Variants in AOAH observed in about 807,000 individuals in gnomAD.
AOAH encodes the protein acyloxyacyl hydrolase, also known as acyloxyacyl hydrolase (neutrophil).
A neutral mutation model predicts 92.2 loss-of-function variants in AOAH; 64 were observed. The ratio of observed to expected loss-of-function variants is 0.69; its 90% CI spans 0.57 to 0.86. The LOEUF (loss-of-function observed/expected upper bound fraction) is 0.86, where lower values mean the gene tolerates loss of function less well. AOAH is among the 40% of genes least tolerant of loss of function. The probability of loss-of-function intolerance (pLI) is 0.00; values close to 1 mark genes in which losing one functional copy is unlikely to be tolerated. For synonymous variants in AOAH, 263 were observed against 254.5 expected, an observed-to-expected ratio of 1.03 and a Z score of -0.32; for missense variants, 656 against 694.6, an observed-to-expected ratio of 0.94 and a Z score of 0.62.
chr7:36,605,827 G>A (rs1790960575), intron 11 of AOAH, among the ~76,000 whole-genome samples: 1 of 152,176 alleles, frequency 6.6e-6, no homozygotes, highest in Admixed American at 6.5e-5. Flanking sequence ...CATGAACAGG[G>A]AAAGGAAACG....
rs369429126 is a variant in AOAH, at chr7:36,621,588, C to T, written c.653+122G>A. 239 of 946,394 alleles carry T rather than the reference C, an allele frequency of 2.5e-4. 2 individuals are homozygous for T. Among genetic ancestry groups the T allele is most frequent in the East Asian group, 1.8e-3 (74 of 41,606 alleles). 58.6% of individuals were successfully genotyped at this position (946,394 alleles called of 1,614,324 possible). ...TTTTTTCACTGAGCTTTACTTCAAT[C>T]GGAACATGAAAATCTCTTCTCTCTG... On this transcript the variant is annotated intron_variant, in intron 8 of 20. Transcript: ENST00000617537.
At chr7:36,720,298 C>T (rs1799534398) in intron 1 of AOAH, among the ~76,000 whole-genome samples, 1 of 151,702 alleles carries the variant, frequency 6.6e-6, no homozygotes, top group South Asian at 2.1e-4. Context: ...TACAGGCATG[C>T]CCCACCGTGT....
At chr7:36,599,555 G>A (rs1055669685) in intron 11 of AOAH, among the ~76,000 whole-genome samples, 4 of 152,192 alleles carry the variant, frequency 2.6e-5, no homozygotes, top group Admixed American at 6.5e-5. Flanking sequence ...AGTAACTGCT[G>A]TTGGAAAAAG....
chr7:36,697,423 G>A (rs1483683019), intron 1 of AOAH, among the ~76,000 whole-genome samples: 1 of 152,158 alleles, frequency 6.6e-6, no homozygotes, highest in African/African-American at 2.4e-5. Flanking sequence ...CATGTTACAT[G>A]TTGCTGGATT....
intron 16 of AOAH, among the ~76,000 whole-genome samples, chr7:36,533,046 A>G (rs1044052944): frequency 6.6e-6 from 1 of 152,232 alleles, no homozygotes; most frequent in Non-Finnish European, 1.5e-5. Flanking sequence ...ACAGAGGTAC[A>G]TAATAAAGTG....
At chr7:36,575,074 G>A (rs944060378) in intron 13 of AOAH, among the ~76,000 whole-genome samples, 3 of 151,932 alleles carry the variant, frequency 2.0e-5, no homozygotes, top group Admixed American at 6.6e-5. Flanking sequence ...CAGTGTTGGG[G>A]GGCTGTTTCA....
chr7:36,574,340 T>C (rs992626710), intron 13 of AOAH, among the ~76,000 whole-genome samples: 11 of 152,318 alleles, frequency 7.2e-5, no homozygotes, highest in African/African-American at 2.2e-4. Flanking sequence ...ACGATTAGGC[T>C]CTCTTCCTGT....
intron 7 of AOAH, 64 bp from the exon 8 acceptor site, chr7:36,621,844 T>C: frequency 6.9e-7 from 1 of 1,448,718 alleles, no homozygotes; most frequent in Non-Finnish European, 9.7e-7. Context: ...CGAGGAAGGC[T>C]AATCAGAGTT....
intron 5 of AOAH, among the ~76,000 whole-genome samples, chr7:36,634,849 G>T (rs73687579): frequency 6.6e-6 from 1 of 152,144 alleles, no homozygotes; most frequent in Non-Finnish European, 1.5e-5. Flanking sequence ...GACAAAAGGT[G>T]CAATAGAATA....
intron 1 of AOAH, among the ~76,000 whole-genome samples, chr7:36,689,259 G>A (rs1241164489): frequency 6.6e-6 from 1 of 152,176 alleles, no homozygotes; most frequent in East Asian, 1.9e-4. Flanking sequence ...GTCATGATGT[G>A]CTGCTGCTCA....
intron 5 of AOAH, among the ~76,000 whole-genome samples, chr7:36,637,583 A>T (rs913829204): frequency 3.9e-5 from 6 of 151,954 alleles, no homozygotes; most frequent in Non-Finnish European, 7.4e-5. Context: ...TTGCTGCTGA[A>T]CACCCTACAA....
In AOAH at chr7:36,692,132, G is replaced by A. The variant is rs183758367; in HGVS notation, c.128-5338C>T. Among the ~76,000 whole-genome samples, 207 of 152,302 alleles carry A rather than the reference G, an allele frequency of 1.4e-3. 1 individual carries two copies. The Middle Eastern group carries it at 0.02, about 15-fold the overall frequency. On this transcript the variant is annotated intron_variant, in intron 1 of 20. Transcript: ENST00000617537. ...GTGGGGTGGTTTGTAATACAGCAAA[G>A]GCTATCTGTACATCTGGCAAAAGTG...
Position 36,674,029 on chromosome 7 carries a change from A to T in AOAH, c.224-20T>A. 6.8e-7 allele frequency: 1 copy of T among 1,462,488 alleles called. No individual in the cohort carries two copies. Among genetic ancestry groups the T allele is most frequent in the South Asian group, 1.2e-5 (1 of 86,844 alleles). The allele number at this position is 1,462,488 out of a possible 1,614,324, so 90.6% of individuals were successfully genotyped here. A position where few individuals can be genotyped will look rare whatever the true frequency, so the allele number is the denominator to read the frequency against. ...GTTTTTCTAAAAAATATAAAGAGGGAAATTGAATATATTTTTATTGCGACG... is the reference window on the plus strand; with the variant it reads ...GTTTTTCTAAAAAATATAAAGAGGGTAATTGAATATATTTTTATTGCGACG... On this transcript the variant is annotated intron_variant, in intron 2 of 20. Transcript: ENST00000617537.
chr7:36,517,214 C>CTTTCTTTCTTTCTTTCTCTCTCTT (rs59205788), intron 20 of AOAH, among the ~76,000 whole-genome samples: 1 of 104,830 alleles, frequency 9.5e-6, no homozygotes, highest in South Asian at 3.4e-4. Context: ...TTCTTTCTTT[C>CTTTCTTTCTTTCTTTCTCTCTCTT]TCTTTCTTTC....
chr7:36,595,019 A>C (rs1015742593), intron 11 of AOAH, among the ~76,000 whole-genome samples: 1 of 152,126 alleles, frequency 6.6e-6, no homozygotes, highest in Admixed American at 6.5e-5. Flanking sequence ...ACAATTTGTC[A>C]AGAACTCCTG....
chr7:36,555,962 G>T (rs6973232), intron 13 of AOAH, among the ~76,000 whole-genome samples: 19,952 of 152,002 alleles, frequency 0.13, 1,373 homozygotes, highest in African/African-American at 0.16. Flanking sequence ...TTTTTGAAGG[G>T]TTTTTTGTGT....
At chr7:36,515,315 C>A (rs1478180192) in intron 20 of AOAH, among the ~76,000 whole-genome samples, 1 of 136,948 alleles carries the variant, frequency 7.3e-6, no homozygotes, top group East Asian at 2.3e-4. Context: ...ATACCCCACA[C>A]CCCTCACAAC....
intron 13 of AOAH, 24 bp from the exon 14 acceptor site, chr7:36,549,499 CAATT>C (rs754828838): frequency 6.6e-6 from 10 of 1,525,980 alleles, no homozygotes; most frequent in Admixed American, 1.7e-5. Context: ...ATTAAGAAAA[CAATT>C]AAAGTTAGTG....
chr7:36,513,021 T>C lies in AOAH; in HGVS notation c.*231A>G, dbSNP rs1395612786. The C allele has an allele frequency of 6.5e-7, 1 of 1,532,184 alleles. No homozygotes were observed. The highest frequency in any genetic ancestry group is 2.4e-5 in the East Asian group (1 of 41,000). The allele number at this position is 1,532,184 out of a possible 1,614,324, so 94.9% of individuals were successfully genotyped here. On this transcript the variant is annotated 3_prime_UTR_variant, in exon 21 of 21. Transcript: ENST00000617537. ...TTGTTTGGAATGGCACCCAAAGCACTTTATGAAAGGTTATTTCAGGAACAG... is the reference window on the plus strand; with the variant it reads ...TTGTTTGGAATGGCACCCAAAGCACCTTATGAAAGGTTATTTCAGGAACAG...
Sources: gnomAD v4.1 joint callset for allele counts (sites outside exome capture counted in the v4.1 genomes callset) on GRCh38, gnomAD v4.1.1 for gene constraint, MANE v1.5 for transcripts, NCBI Gene and HGNC (gene_info 2026-07-23, HGNC 2026-07-21) for gene names.